MYO3A: variants seen among roughly 807,000 people sequenced by gnomAD.
MYO3A encodes the protein myosin-IIIa.
MYO3A carries 180 observed loss-of-function variants against 192.7 expected under a neutral mutation model. That is an observed-to-expected ratio of 0.93 (90% CI 0.83 to 1.06). The LOEUF is 1.06. Among genes scored for constraint, MYO3A ranks in the 50% least tolerant of loss-of-function variants. The pLI is 0.00. For synonymous variants in MYO3A, 628 were observed against 645.3 expected (o/e 0.97, Z 0.41); for missense variants, 1,896 against 1,905.0 (o/e 1.00, Z 0.09).
At chr10:25,967,379 C>T (rs1160570697) in intron 4 of MYO3A, among the ~76,000 whole-genome samples, 1 of 152,122 alleles carries the variant, frequency 6.6e-6, no homozygotes, top group African/African-American at 2.4e-5. Flanking sequence ...AATAGAGACC[C>T]TCCAGAAAGG....
chr10:26,034,035 C>T (rs1021172527), intron 10 of MYO3A, among the ~76,000 whole-genome samples: 3 of 152,038 alleles, frequency 2.0e-5, no homozygotes, highest in African/African-American at 7.2e-5. Flanking sequence ...CATGACAGCC[C>T]ACAGTGGGGA....
At position 26,157,374 on chromosome 10, in the gene MYO3A, A is replaced by G. The variant is rs1254383648; in HGVS notation, c.2858A>G (p.Lys953Arg). The G allele has an allele frequency of 2.5e-6, 4 of 1,614,036 alleles. No homozygotes were observed. The highest frequency in any genetic ancestry group is 1.7e-6 in the Non-Finnish European group (2 of 1,180,032). The change falls in exon 26 of 35, where the codon AAA becomes AGA. Residue 953 changes from lysine (K) to arginine (R), a missense_variant. Lys to Arg is a conservative substitution (Grantham distance 26). Transcript: ENST00000642920. ...VGQPHFVRCI[K>R]PNSERQARKY... The stretch of plus-strand genomic sequence containing the variant: ...CAACCTCATTTTGTCCGTTGCATCA[A>G]ACCAAATAGTGAGCGTCAGGCAAGA...
chr10:26,054,234 C>T (rs1011650588), intron 10 of MYO3A, among the ~76,000 whole-genome samples: 23 of 152,138 alleles, frequency 1.5e-4, no homozygotes, highest in African/African-American at 4.8e-4. Flanking sequence ...TAACCAAGGT[C>T]GGAAACAATG....
intron 25 of MYO3A, among the ~76,000 whole-genome samples, chr10:26,156,124 A>G (rs1201125864): frequency 4.6e-5 from 7 of 152,232 alleles, no homozygotes; most frequent in Admixed American, 3.3e-4. Context: ...AGATGTTCGC[A>G]CGAGTAAAGG....
chr10:26,008,731 G>A (rs1274320991), intron 6 of MYO3A, among the ~76,000 whole-genome samples: 1 of 150,402 alleles, frequency 6.6e-6, no homozygotes, highest in African/African-American at 2.4e-5. Flanking sequence ...GGAAACAACA[G>A]GTGCTGGAGA....
intron 4 of MYO3A, among the ~76,000 whole-genome samples, chr10:25,983,246 A>C (rs1839439357): frequency 6.6e-6 from 1 of 150,788 alleles, no homozygotes; most frequent in Non-Finnish European, 1.5e-5. Context: ...TCAAAGACAA[A>C]GAAAAATGAT....
At chr10:26,172,923 A>T (rs1201986372) in intron 29 of MYO3A, among the ~76,000 whole-genome samples, 1 of 152,200 alleles carries the variant, frequency 6.6e-6, no homozygotes, top group African/African-American at 2.4e-5. Flanking sequence ...TAAGATGAAA[A>T]GTTTGGTGCA....
chr10:26,173,195 T>C (rs1426941539), intron 29 of MYO3A, among the ~76,000 whole-genome samples: 1 of 152,218 alleles, frequency 6.6e-6, no homozygotes, highest in Non-Finnish European at 1.5e-5. Flanking sequence ...ACATTGCTTT[T>C]CCTTTAATTT....
intron 4 of MYO3A, among the ~76,000 whole-genome samples, chr10:25,986,379 TAAAG>T (rs1839655606): frequency 6.6e-6 from 1 of 152,118 alleles, no homozygotes; most frequent in Admixed American, 6.5e-5. Flanking sequence ...GAGAAAGAAA[TAAAG>T]AACATCCAAA....
chr10:26,162,132 T>C (rs1420830303), intron 26 of MYO3A, among the ~76,000 whole-genome samples: 1 of 152,212 alleles, frequency 6.6e-6, no homozygotes, highest in African/African-American at 2.4e-5. Context: ...TTCATTGTTG[T>C]GTCTGAGGCA....
chr10:26,208,740 T>C (rs1844091204), intron 34 of MYO3A, among the ~76,000 whole-genome samples: 1 of 152,208 alleles, frequency 6.6e-6, no homozygotes, highest in Non-Finnish European at 1.5e-5. Flanking sequence ...AAGGTTTTTT[T>C]CTTTTTCTTT....
chr10:25,946,877 CAAAAAAAAAAAA>C (rs34045169), intron 2 of MYO3A, among the ~76,000 whole-genome samples: 4 of 50,140 alleles, frequency 8.0e-5, no homozygotes, highest in African/African-American at 2.0e-4. Context: ...GACTCCGTCT[CAAAAAAAAAAAA>C]AAAAAAAAAA....
At chr10:25,988,502 A>G (rs1839797952) in intron 4 of MYO3A, among the ~76,000 whole-genome samples, 1 of 152,260 alleles carries the variant, frequency 6.6e-6, no homozygotes, top group Admixed American at 6.5e-5. Context: ...TGGTATAGCC[A>G]TAGCCACCGT....
intron 31 of MYO3A, among the ~76,000 whole-genome samples, chr10:26,178,306 C>T (rs553665057): frequency 2.6e-5 from 4 of 152,202 alleles, no homozygotes; most frequent in African/African-American, 7.2e-5. Context: ...AAGTAGAGGT[C>T]GCCACCAAGA....
At chr10:26,114,375 C>A (rs1271342347) in intron 17 of MYO3A, among the ~76,000 whole-genome samples, 1 of 152,154 alleles carries the variant, frequency 6.6e-6, no homozygotes. Flanking sequence ...CTCAGTCTAC[C>A]CTGCATGGAC....
chr10:26,141,765 C>G (rs1840180223), intron 20 of MYO3A, among the ~76,000 whole-genome samples: 2 of 152,174 alleles, frequency 1.3e-5, no homozygotes, highest in Non-Finnish European at 2.9e-5. Context: ...TTTTCTTATA[C>G]TGGATAAGCT....
chr10:26,166,323 A>G (rs1321012397), intron 27 of MYO3A, 145 bp downstream of exon 27: 1 of 743,340 alleles, frequency 1.3e-6, no homozygotes, highest in South Asian at 1.6e-5. Context: ...TTATAAACTC[A>G]TAAAGATTTT....
At chr10:26,054,487 C>CTT (rs1181168976) in intron 10 of MYO3A, among the ~76,000 whole-genome samples, 3 of 152,228 alleles carry the variant, frequency 2.0e-5, no homozygotes, top group Non-Finnish European at 4.4e-5. Context: ...TTCCATTTGC[C>CTT]TTTCTAGATT....
At chr10:26,006,573 C>T (rs2130967483) in intron 6 of MYO3A, among the ~76,000 whole-genome samples, 1 of 152,256 alleles carries the variant, frequency 6.6e-6, no homozygotes, top group Admixed American at 6.5e-5. Context: ...CACAGAAATA[C>T]AAACTACCAT....
Sources: allele counts gnomAD v4.1 joint callset (sites outside exome capture counted in the v4.1 genomes callset), GRCh38; gene constraint gnomAD v4.1.1; transcripts MANE v1.5; gene names NCBI Gene and HGNC (gene_info 2026-07-23, HGNC 2026-07-21).